The following ADGRL2 variants were observed in gnomAD, a reference collection of about 807,000 sequenced individuals.
ADGRL2 encodes the protein adhesion G protein-coupled receptor L2.
A neutral mutation model predicts 157.4 loss-of-function variants in ADGRL2; 44 were observed. That is an observed-to-expected ratio of 0.28 (90% CI 0.22 to 0.36). ADGRL2 has a LOEUF of 0.36. ADGRL2 is among the 10% of genes least tolerant of loss of function. The pLI is 1.00. For synonymous variants in ADGRL2, 585 were observed against 624.7 expected (o/e 0.94, Z 0.95); for missense variants, 1,510 against 1,768.9 (o/e 0.85, Z 2.63).
At chr1:81,324,638 T>C (rs538141933) in intron 1 of ADGRL2, among the ~76,000 whole-genome samples, 2 of 151,938 alleles carry the variant, frequency 1.3e-5, no homozygotes, top group East Asian at 3.9e-4. Context: ...AATTTGATGA[T>C]GGATTGGAAA....
intron 3 of ADGRL2, among the ~76,000 whole-genome samples, chr1:81,667,990 C>G (rs1335082008): frequency 2.0e-5 from 3 of 152,046 alleles, no homozygotes; most frequent in Non-Finnish European, 4.4e-5. Context: ...AATTTTTAAA[C>G]TTTTTGAAAT....
chr1:81,844,906 T>G (rs952556268), intron 2 of ADGRL2, among the ~76,000 whole-genome samples: 1 of 152,106 alleles, frequency 6.6e-6, no homozygotes, highest in African/African-American at 2.4e-5. Flanking sequence ...TTCTTAAAAG[T>G]GTTTTTTTTC....
At chr1:81,399,027 G>A (rs2076705681) in intron 1 of ADGRL2, among the ~76,000 whole-genome samples, 1 of 152,194 alleles carries the variant, frequency 6.6e-6, no homozygotes, top group South Asian at 2.1e-4. Flanking sequence ...TTGACTCACA[G>A]TTCCTGAAGC....
intron 1 of ADGRL2, among the ~76,000 whole-genome samples, chr1:81,371,736 A>C (rs1164588370): frequency 6.6e-6 from 1 of 152,194 alleles, no homozygotes; most frequent in East Asian, 1.9e-4. Context: ...GTTTTTGAAC[A>C]AGAAAAATTA....
At chr1:81,338,142 C>A (rs1661787090) in intron 1 of ADGRL2, among the ~76,000 whole-genome samples, 1 of 152,124 alleles carries the variant, frequency 6.6e-6, no homozygotes, top group South Asian at 2.1e-4. Context: ...GGTGGCAGAT[C>A]ACCTGAGGTC....
intron 3 of ADGRL2, among the ~76,000 whole-genome samples, chr1:81,637,315 G>A (rs2082133797): frequency 6.6e-6 from 1 of 152,150 alleles, no homozygotes; most frequent in Non-Finnish European, 1.5e-5. Flanking sequence ...AGCCTTCCAG[G>A]TAGGAATTAT....
intron 1 of ADGRL2, among the ~76,000 whole-genome samples, chr1:81,756,830 T>C (rs777654301): frequency 3.9e-5 from 6 of 152,168 alleles, no homozygotes; most frequent in Non-Finnish European, 8.8e-5. Flanking sequence ...TGATAGGCAC[T>C]AAATAAATAC....
rs536053182 is a variant in ADGRL2 at position 81,827,485 on chromosome 1, A to C, written c.-100-9400A>C. ...AAGTAGTAAGATAAGTTACTGTGGT[A>C]ATGTCCTTTGTTTTCTTTTCTAGAA... On this transcript the variant is annotated intron_variant, in intron 1 of 23. Coordinates refer to ENST00000686636, the MANE Select transcript of ADGRL2 (RefSeq NM_001366006.2). Among the ~76,000 whole-genome samples the C allele has an allele frequency of 2.0e-5, 3 of 152,310 alleles. No homozygotes were observed. The East Asian group carries it at 5.8e-4, about 29-fold the overall frequency.
At chr1:81,721,749 C>A in intron 1 of ADGRL2, 1 of 1,424,566 alleles carries the variant, frequency 7.0e-7, no homozygotes, top group South Asian at 1.1e-5. Context: ...AAGCAGGATC[C>A]GAGCATTCTG....
intron 3 of ADGRL2, among the ~76,000 whole-genome samples, chr1:81,678,199 C>G (rs557468879): frequency 2.8e-4 from 42 of 152,196 alleles, no homozygotes; most frequent in Non-Finnish European, 4.4e-4. Flanking sequence ...ACTCTGATCT[C>G]TGAGCTCCAG....
chr1:81,495,844 G>T (rs184851297), intron 2 of ADGRL2, among the ~76,000 whole-genome samples: 1 of 152,230 alleles, frequency 6.6e-6, no homozygotes, highest in Admixed American at 6.5e-5. Context: ...TTTGTCATTG[G>T]TAACCATTTC....
intron 1 of ADGRL2, among the ~76,000 whole-genome samples, chr1:81,821,250 A>G (rs951753594): frequency 2.6e-5 from 4 of 152,204 alleles, no homozygotes; most frequent in African/African-American, 7.2e-5. Context: ...TTGTCAAACT[A>G]TTACCAGGCT....
intron 2 of ADGRL2, among the ~76,000 whole-genome samples, chr1:81,555,577 C>T (rs1444045937): frequency 6.6e-6 from 1 of 151,982 alleles, no homozygotes; most frequent in African/African-American, 2.4e-5. Flanking sequence ...CCCTGATAGT[C>T]TCTACTTCTT....
chr1:81,959,888 C>T (rs1654774529), intron 11 of ADGRL2, among the ~76,000 whole-genome samples: 1 of 151,888 alleles, frequency 6.6e-6, no homozygotes, highest in Non-Finnish European at 1.5e-5. Context: ...GCAGCCTCCG[C>T]CTCCTGGGTT....
At chr1:81,399,698 G>A (rs892605697) in intron 1 of ADGRL2, among the ~76,000 whole-genome samples, 2 of 152,014 alleles carry the variant, frequency 1.3e-5, no homozygotes, top group Non-Finnish European at 1.5e-5. Flanking sequence ...TCTTGATTTT[G>A]TTAAATTGTC....
intron 1 of ADGRL2, among the ~76,000 whole-genome samples, chr1:81,712,927 A>G (rs999428597): frequency 2.0e-5 from 3 of 151,624 alleles, no homozygotes; most frequent in African/African-American, 7.3e-5. Flanking sequence ...ACGCCCAGCT[A>G]ATTTTTTGTA....
chr1:81,572,448 G>C (rs1464429333), intron 2 of ADGRL2, among the ~76,000 whole-genome samples: 1 of 152,128 alleles, frequency 6.6e-6, no homozygotes, highest in Non-Finnish European at 1.5e-5. Flanking sequence ...GCTGATGGGG[G>C]ATACAGAAAA....
intron 3 of ADGRL2, among the ~76,000 whole-genome samples, chr1:81,909,426 T>A (rs1338837551): frequency 6.6e-6 from 1 of 152,178 alleles, no homozygotes; most frequent in African/African-American, 2.4e-5. Flanking sequence ...AAGTTCAACT[T>A]AAGAAAGCAT....
intron 1 of ADGRL2, among the ~76,000 whole-genome samples, chr1:81,821,983 A>C (rs1557708986): frequency 6.6e-6 from 1 of 151,024 alleles, no homozygotes; most frequent in Non-Finnish European, 1.5e-5. Context: ...AATACTAAAA[A>C]GAAATAACCT....
Sources: gnomAD v4.1 joint callset for allele counts (sites outside exome capture counted in the v4.1 genomes callset) on GRCh38, gnomAD v4.1.1 for gene constraint, MANE v1.5 for transcripts, NCBI Gene and HGNC (gene_info 2026-07-23, HGNC 2026-07-21) for gene names.